Variants in UGT1A1 observed in about 807,000 individuals in gnomAD.
The protein encoded by UGT1A1 is UDP glucuronosyltransferase family 1 member A1.
UGT1A1 carries 33 observed loss-of-function variants against 40.6 expected under a neutral mutation model. The observed-to-expected ratio is 0.81, with a 90% confidence interval of 0.62 to 1.09. UGT1A1 has a LOEUF of 1.09. Among genes scored for constraint, UGT1A1 ranks in the 50% least tolerant of loss-of-function variants. The pLI is 0.00. For synonymous variants in UGT1A1, 249 were observed against 265.0 expected (o/e 0.94, Z 0.59); for missense variants, 694 against 671.2 (o/e 1.03, Z -0.38).
chr2:233,760,576 CATA>C lies in UGT1A1; in HGVS notation c.292_294del (p.Asn98del). 6.2e-7 allele frequency: 1 copy of C among 1,614,196 alleles called. No homozygotes were observed. Among genetic ancestry groups the C allele is most frequent in the Non-Finnish European group, 8.5e-7 (1 of 1,180,036 alleles). On this transcript the variant is annotated inframe_deletion, in exon 1 of 5. Transcript: ENST00000305208. ...GAAAGAGTCTTTTGTTAGTCTCGGG[CATA>C]ATGTTTTTGAGAATGATTCTTTCCT...
chr2:233,772,211 T>C, intron 4 of UGT1A1, 51 bp from the exon 5 acceptor site: 2 of 1,610,790 alleles, frequency 1.2e-6, no homozygotes, highest in Non-Finnish European at 1.7e-6. Flanking sequence ...AAAGAGAGGA[T>C]TGTTCATACC....
chr2:233,763,738 G>A (rs1302450820), intron 1 of UGT1A1, among the ~76,000 whole-genome samples: 6 of 152,164 alleles, frequency 3.9e-5, no homozygotes, highest in Non-Finnish European at 8.8e-5. Flanking sequence ...TGGCATTGGC[G>A]TGTCTTTGGT....
chr2:233,762,094 T>A (rs1389988044), intron 1 of UGT1A1, among the ~76,000 whole-genome samples: 1 of 152,214 alleles, frequency 6.6e-6, no homozygotes, highest in African/African-American at 2.4e-5. Context: ...CTTAGATAGT[T>A]GTTGATTGTC....
chr2:233,768,820 G>A (rs1699735908), intron 4 of UGT1A1, among the ~76,000 whole-genome samples: 1 of 151,998 alleles, frequency 6.6e-6, no homozygotes, highest in Non-Finnish European at 1.5e-5. Flanking sequence ...CTGACTTCAG[G>A]TGATCCACCT....
chr2:233,768,549 A>C, intron 4 of UGT1A1, 110 bp downstream of exon 4: 1 of 1,483,956 alleles, frequency 6.7e-7, no homozygotes, highest in Non-Finnish European at 8.9e-7. Flanking sequence ...AAATATAAAA[A>C]CAAATACATA....
Position 233,767,921 on chromosome 2 carries a change from C to T in UGT1A1, c.1069C>T (p.Gln357Ter), listed in dbSNP as rs72551350. 5.6e-6 allele frequency: 9 copies of T among 1,614,068 alleles called. No homozygotes were observed. Among genetic ancestry groups the T allele is most frequent in the Non-Finnish European group, 7.6e-6 (9 of 1,180,058 alleles). ...NNTILVKWLP[Q>*]NDLLGHPMTR... ...CACGATACTTGTTAAGTGGCTACCC[C>T]AAAACGATCTGCTTGGTATGTTGGG... The change falls in exon 3 of 5, where the codon CAA becomes TAA. Residue 357 changes from glutamine (Q) to a stop codon, truncating the protein, a stop_gained. Coordinates refer to ENST00000305208, the MANE Select transcript of UGT1A1 (RefSeq NM_000463.3). LOFTEE classifies it high-confidence loss of function.
chr2:233,772,832 C>A lies in UGT1A1; in HGVS notation c.*273C>A. ...GAGGACGTGCAGACAGGCTGGCATT[C>A]TAGATTACTTTTCTTACTCTGAAAC... On this transcript the variant is annotated 3_prime_UTR_variant, in exon 5 of 5. Coordinates refer to ENST00000305208, the MANE Select transcript of UGT1A1 (RefSeq NM_000463.3). 1 of 899,518 alleles carries A rather than the reference C, an allele frequency of 1.1e-6. No homozygotes were observed. Among genetic ancestry groups the A allele is most frequent in the Non-Finnish European group, 1.5e-6 (1 of 646,888 alleles). The allele number at this position is 899,518 out of a possible 1,614,324, so 55.7% of individuals were successfully genotyped here.
chr2:233,763,099 C>A (rs1698236353), intron 1 of UGT1A1, among the ~76,000 whole-genome samples: 3 of 152,172 alleles, frequency 2.0e-5, no homozygotes. Flanking sequence ...AGGAGAGGCA[C>A]CGAACTTTAT....
intron 3 of UGT1A1, 127 bp downstream of exon 3, chr2:233,768,063 T>A (rs1012824630): frequency 1.3e-6 from 2 of 1,599,680 alleles, no homozygotes; most frequent in African/African-American, 2.7e-5. Context: ...CATTGCTTTT[T>A]ATCTAGTGGG....
chr2:233,763,116 C>G lies in UGT1A1; in HGVS notation c.864+1965C>G, dbSNP rs565550780. On this transcript the variant is annotated intron_variant, in intron 1 of 4. Transcript: ENST00000305208. ...GAGAGGCACCGAACTTTATCAGCTG[C>G]CTTTCTGGCATTTATTGATATAACC... Among the ~76,000 whole-genome samples, 8 of 152,296 alleles carry G rather than the reference C, an allele frequency of 5.3e-5. No individual in the cohort carries two copies. The South Asian group carries it at 8.3e-4, about 16-fold the overall frequency.
At chr2:233,765,305 A>G (rs777427074) in intron 1 of UGT1A1, among the ~76,000 whole-genome samples, 9 of 152,220 alleles carry the variant, frequency 5.9e-5, no homozygotes, top group Admixed American at 1.3e-4. Flanking sequence ...ACACATGCAC[A>G]TATTTGTTTA....
rs950932071 is a variant in UGT1A1 at position 233,766,252 on chromosome 2, CGCTCAGTGGCCCGG to C, written c.865-777_865-764del. ...GGAAGGGTTTCCCCTGGAGTCAGAC[CGCTCAGTGGCCCGG>C]GCTCGGTGGCCCGGGCTCGGTGGCC... On this transcript the variant is annotated intron_variant, in intron 1 of 4. Coordinates refer to ENST00000305208, the MANE Select transcript of UGT1A1 (RefSeq NM_000463.3). 1.1e-4 allele frequency among the ~76,000 whole-genome samples: 17 copies of C among 151,626 alleles called. 1 individual carries two copies. The highest frequency in any genetic ancestry group is 3.4e-4 in the African/African-American group (14 of 41,194).
Position 233,768,428 on chromosome 2 carries a change from C to T in UGT1A1, c.1293C>T (p.Ile431=), listed in dbSNP as rs1559415864. The T allele has an allele frequency of 6.2e-7, 1 of 1,613,856 alleles. No homozygotes were observed. Among genetic ancestry groups the T allele is most frequent in the Non-Finnish European group, 8.5e-7 (1 of 1,179,916 alleles). ...TAGAAAATGCTCTAAAAGCAGTCATCAATGACAAAAGGTAAGAAAGAAGAT... is the reference window on the plus strand; with the variant it reads ...TAGAAAATGCTCTAAAAGCAGTCATTAATGACAAAAGGTAAGAAAGAAGAT... ...EDLENALKAV[I]NDKSYKENIM... is the part of the protein sequence containing the mutation. The change falls in exon 4 of 5, where the codon ATC becomes ATT. Residue 431 remains isoleucine, a synonymous_variant. Coordinates refer to ENST00000305208, the MANE Select transcript of UGT1A1 (RefSeq NM_000463.3).
chr2:233,760,686 C>T lies in UGT1A1; in HGVS notation c.399C>T (p.Asn133=). The change falls in exon 1 of 5, where the codon AAC becomes AAT. Residue 133 remains asparagine, a synonymous_variant. Transcript: ENST00000305208. The part of the protein sequence containing the change: ...LLSGCSHLLH[N]KELMASLAES... ...CTGGCTGTTCCCACTTACTGCACAACAAGGAGCTCATGGCCTCCCTGGCAG... is the reference window on the plus strand; with the variant it reads ...CTGGCTGTTCCCACTTACTGCACAATAAGGAGCTCATGGCCTCCCTGGCAG... 1 of 1,614,220 alleles carries T rather than the reference C, an allele frequency of 6.2e-7. No homozygotes were observed. The highest frequency in any genetic ancestry group is 1.3e-5 in the African/African-American group (1 of 75,062).
At chr2:233,762,785 A>G (rs1698164172) in intron 1 of UGT1A1, among the ~76,000 whole-genome samples, 1 of 150,724 alleles carries the variant, frequency 6.6e-6, no homozygotes, top group Non-Finnish European at 1.5e-5. Context: ...CTGATTATCT[A>G]CTCATTACTC....
Position 233,767,101 on chromosome 2 carries a change from T to C in UGT1A1, c.932T>C (p.Val311Ala). ...GIVVFSLGSM[V>A]SEIPEKKAMA... ...GTGGTTTTCTCTTTGGGATCAATGG[T>C]CTCAGAAATTCCAGAGAAGAAAGCT... Residue 311 changes from valine to alanine, a missense_variant, in exon 2 of 5, where the codon GTC (valine) becomes GCC (alanine). Val to Ala is a moderately conservative substitution (Grantham distance 64). Coordinates refer to ENST00000305208, the MANE Select transcript of UGT1A1 (RefSeq NM_000463.3). The C allele has an allele frequency of 6.2e-7, 1 of 1,614,160 alleles. No individual in the cohort carries two copies. The highest frequency in any genetic ancestry group is 8.5e-7 in the Non-Finnish European group (1 of 1,180,020).
Position 233,772,653 on chromosome 2 carries a change from T to C in UGT1A1, c.*94T>C. The C allele has an allele frequency of 1.3e-6, 2 of 1,546,978 alleles. No individual in the cohort carries two copies. The highest frequency in any genetic ancestry group is 1.7e-6 in the Non-Finnish European group (2 of 1,146,404). On this transcript the variant is annotated 3_prime_UTR_variant, in exon 5 of 5. Transcript: ENST00000305208. ...CAGTGTTAAATTCATTTTATTCTTA[T>C]TAAGGAAATACTTTGCATAAATTAA...
Position 233,761,002 on chromosome 2 carries a change from C to G in UGT1A1, c.715C>G (p.Gln239Glu). The change falls in exon 1 of 5, where the codon CAG becomes GAG. Residue 239 changes from glutamine (Q) to glutamate (E), a missense_variant. Transcript: ENST00000305208. ...TGCAACCCTTGCCTCAGAATTCCTT[C>G]AGAGAGAGGTGACTGTCCAGGACCT... is the stretch of plus-strand genomic sequence containing the variant. ...PYATLASEFL[Q>E]REVTVQDLLS... The G allele has an allele frequency of 1.9e-6, 3 of 1,614,176 alleles. No individual in the cohort carries two copies. Among genetic ancestry groups the G allele is most frequent in the Non-Finnish European group, 2.5e-6 (3 of 1,180,046 alleles).
intron 1 of UGT1A1, among the ~76,000 whole-genome samples, chr2:233,765,411 G>A (rs1367476072): frequency 6.6e-6 from 1 of 152,138 alleles, no homozygotes; most frequent in East Asian, 1.9e-4. Flanking sequence ...ATACACCATG[G>A]AATACTATGC....
Sources: gnomAD v4.1 joint callset for allele counts (sites outside exome capture counted in the v4.1 genomes callset) on GRCh38, gnomAD v4.1.1 for gene constraint, MANE v1.5 for transcripts, NCBI Gene and HGNC (gene_info 2026-07-23, HGNC 2026-07-21) for gene names.